TUT4: variants seen among roughly 807,000 people sequenced by gnomAD.
TUT4 encodes terminal uridylyl transferase 4, also known as terminal uridylyltransferase 4.
Under a neutral mutation model 192.2 loss-of-function variants are expected in TUT4, and 36 were observed. The ratio of observed to expected loss-of-function variants is 0.19; its 90% CI spans 0.14 to 0.25. The LOEUF is 0.25. Ranked by LOEUF, TUT4 falls within the 10% of genes least tolerant of loss-of-function variation. The probability of loss-of-function intolerance (pLI) is 1.00; values close to 1 mark genes in which losing one functional copy is unlikely to be tolerated. For synonymous variants in TUT4, 618 were observed against 666.0 expected, an observed-to-expected ratio of 0.93 and a Z score of 1.11; for missense variants, 1,493 against 1,957.2, an observed-to-expected ratio of 0.76 and a Z score of 4.47.
chr1:52,466,092 T>C (rs987620146), intron 15 of TUT4, among the ~76,000 whole-genome samples: 1 of 152,204 alleles, frequency 6.6e-6, no homozygotes, highest in Non-Finnish European at 1.5e-5. Context: ...GGACACTTTA[T>C]ACTTTCAAAA....
intron 6 of TUT4, among the ~76,000 whole-genome samples, chr1:52,494,553 A>G (rs1225844731): frequency 2.0e-5 from 3 of 152,052 alleles, no homozygotes; most frequent in African/African-American, 7.2e-5. Context: ...TTAGCCAGGC[A>G]TGGTGGCACA....
At chr1:52,494,595 G>C (rs1269297964) in intron 6 of TUT4, among the ~76,000 whole-genome samples, 2 of 152,208 alleles carry the variant, frequency 1.3e-5, no homozygotes, top group Non-Finnish European at 2.9e-5. Context: ...AGGAGGCTGA[G>C]ACAGGAGAAT....
chr1:52,550,448 T>C (rs1003325015), intron 1 of TUT4, among the ~76,000 whole-genome samples: 3 of 152,106 alleles, frequency 2.0e-5, no homozygotes, highest in African/African-American at 7.2e-5. Context: ...TTGAGTTCTA[T>C]TTTGTCAAAC....
chr1:52,446,773 C>A, intron 20 of TUT4, 106 bp from the exon 21 acceptor site: 3 of 719,338 alleles, frequency 4.2e-6, no homozygotes, highest in Non-Finnish European at 6.7e-6. Context: ...TACTAAAATA[C>A]TTCTTCCAAA....
intron 28 of TUT4, among the ~76,000 whole-genome samples, chr1:52,428,481 C>T (rs1650776015): frequency 6.6e-6 from 1 of 152,130 alleles, no homozygotes; most frequent in East Asian, 1.9e-4. Context: ...CAAAATTTAG[C>T]TAGGCGTGGT....
chr1:52,548,312 A>G (rs1558039180), intron 1 of TUT4, among the ~76,000 whole-genome samples: 1 of 152,192 alleles, frequency 6.6e-6, no homozygotes, highest in Non-Finnish European at 1.5e-5. Context: ...TAATTATATT[A>G]TTAAACTACA....
chr1:52,524,480 C>T (rs1010028910), intron 2 of TUT4, among the ~76,000 whole-genome samples: 20 of 151,052 alleles, frequency 1.3e-4, no homozygotes, highest in Non-Finnish European at 1.3e-4. Flanking sequence ...GCCAAGATTG[C>T]GCCACTGCAC....
chr1:52,546,868 A>G (rs950900404), intron 1 of TUT4, among the ~76,000 whole-genome samples: 3 of 152,154 alleles, frequency 2.0e-5, no homozygotes, highest in African/African-American at 4.8e-5. Context: ...GAGATGGCTC[A>G]TACCTGTAAT....
intron 2 of TUT4, among the ~76,000 whole-genome samples, chr1:52,516,582 G>A (rs1369346378): frequency 1.3e-5 from 2 of 152,108 alleles, no homozygotes; most frequent in East Asian, 3.8e-4. Context: ...TAACTAGATT[G>A]TAATCTCTTT....
chr1:52,476,839 C>G (rs1159247203), intron 12 of TUT4, among the ~76,000 whole-genome samples: 1 of 152,178 alleles, frequency 6.6e-6, no homozygotes, highest in African/African-American at 2.4e-5. Context: ...GTAGGCTGAA[C>G]AGACTAAAAC....
intron 24 of TUT4, among the ~76,000 whole-genome samples, chr1:52,444,899 ATATATATATGTATATACATGTATGTG>A (rs1174947948): frequency 5.1e-4 from 69 of 134,240 alleles, no homozygotes; most frequent in Non-Finnish European, 8.2e-4. Flanking sequence ...ATATGTGTGT[ATATATATATGTATATACATGTATGTG>A]TATATATATG....
chr1:52,490,852 A>C, intron 7 of TUT4, 51 bp from the exon 8 acceptor site: 1 of 1,374,764 alleles, frequency 7.3e-7, no homozygotes, highest in Non-Finnish European at 1.0e-6. Flanking sequence ...TAAAATACGT[A>C]CTCTACAGTA....
At chr1:52,425,919 G>A (rs1649757981) in intron 28 of TUT4, among the ~76,000 whole-genome samples, 1 of 152,080 alleles carries the variant, frequency 6.6e-6, no homozygotes, top group Non-Finnish European at 1.5e-5. Context: ...AAGCCTGAAA[G>A]CAGGAAAGCA....
intron 1 of TUT4, among the ~76,000 whole-genome samples, chr1:52,536,337 T>TCC (rs1684884923): frequency 1.3e-5 from 2 of 152,094 alleles, no homozygotes; most frequent in African/African-American, 4.8e-5. Context: ...AAGATGTTAA[T>TCC]TACATCATTA....
intron 1 of TUT4, among the ~76,000 whole-genome samples, chr1:52,550,239 T>C (rs1223749003): frequency 2.6e-5 from 4 of 152,170 alleles, no homozygotes; most frequent in African/African-American, 4.8e-5. Context: ...ACAACTCTAA[T>C]TGCTCTAAGA....
intron 1 of TUT4, among the ~76,000 whole-genome samples, chr1:52,533,109 T>G (rs1683939546): frequency 6.6e-6 from 1 of 152,216 alleles, no homozygotes; most frequent in Non-Finnish European, 1.5e-5. Context: ...TCATGTCCAC[T>G]CAGCTAGTCC....
At chr1:52,464,697 C>G (rs1207506837) in intron 16 of TUT4, among the ~76,000 whole-genome samples, 1 of 152,152 alleles carries the variant, frequency 6.6e-6, no homozygotes, top group Non-Finnish European at 1.5e-5. Flanking sequence ...AAGACATCAT[C>G]TAATGAAAGA....
chr1:52,528,261 G>A (rs528879199), intron 1 of TUT4, among the ~76,000 whole-genome samples: 103 of 151,692 alleles, frequency 6.8e-4, no homozygotes, highest in African/African-American at 2.2e-3. Flanking sequence ...TTGGGAGGCC[G>A]AGGCTGGCGG....
At chr1:52,527,387 A>AT in intron 1 of TUT4, among the ~76,000 whole-genome samples, 1 of 152,072 alleles carries the variant, frequency 6.6e-6, no homozygotes, top group East Asian at 1.9e-4. Flanking sequence ...CTCTACTAAA[A>AT]ACACAAATAT....
Sources: gnomAD v4.1 joint callset for allele counts (sites outside exome capture counted in the v4.1 genomes callset) on GRCh38, gnomAD v4.1.1 for gene constraint, MANE v1.5 for transcripts, NCBI Gene and HGNC (gene_info 2026-07-23, HGNC 2026-07-21) for gene names.